The following CNGA3 variants were observed in gnomAD, a reference collection of about 807,000 sequenced individuals.
CNGA3 encodes cyclic nucleotide gated channel subunit alpha 3, also known as cyclic nucleotide-gated channel alpha-3.
Under a neutral mutation model 46.6 loss-of-function variants are expected in CNGA3, and 42 were observed. The ratio of observed to expected loss-of-function variants is 0.90; its 90% CI spans 0.70 to 1.17. CNGA3 has a LOEUF of 1.17. CNGA3 is among the 50% of genes most tolerant of loss of function. The probability of loss-of-function intolerance (pLI) is 0.00; values close to 1 mark genes in which losing one functional copy is unlikely to be tolerated. For missense variants in CNGA3, 893 were observed against 890.7 expected (o/e 1.00, Z -0.03); for synonymous variants, 394 against 369.4 (o/e 1.07, Z -0.76).
At chr2:98,383,499 G>C (rs1692583428) in intron 5 of CNGA3, 58 bp downstream of exon 5, 4 of 1,572,582 alleles carry the variant, frequency 2.5e-6, no homozygotes, top group Non-Finnish European at 3.5e-6. Context: ...CCACCCCATA[G>C]AAGCCCCAGC....
At chr2:98,377,606 C>A in intron 2 of CNGA3, 81 bp from the exon 3 acceptor site, 1 of 1,353,846 alleles carries the variant, frequency 7.4e-7, no homozygotes, top group Non-Finnish European at 1.0e-6. Flanking sequence ...AGCAGAACAT[C>A]TGACTGTCTC....
At chr2:98,375,280 C>T (rs995803860) in intron 2 of CNGA3, among the ~76,000 whole-genome samples, 3 of 152,230 alleles carry the variant, frequency 2.0e-5, no homozygotes, top group Non-Finnish European at 2.9e-5. Context: ...TACGCTAAAA[C>T]GCTGGGCCGA....
At chr2:98,348,758 T>C (rs1395892927) in intron 1 of CNGA3, among the ~76,000 whole-genome samples, 2 of 152,232 alleles carry the variant, frequency 1.3e-5, no homozygotes, top group Non-Finnish European at 2.9e-5. Context: ...AGGCTCAGTC[T>C]GGTGGGAGAA....
intron 2 of CNGA3, among the ~76,000 whole-genome samples, chr2:98,372,763 C>A (rs1427363686): frequency 6.6e-6 from 1 of 152,090 alleles, no homozygotes; most frequent in Admixed American, 6.5e-5. Flanking sequence ...ACTCCCACTC[C>A]CGGTCTTGGA....
chr2:98,359,640 C>A (rs1691977484), intron 1 of CNGA3, among the ~76,000 whole-genome samples: 3 of 152,186 alleles, frequency 2.0e-5, no homozygotes, highest in African/African-American at 7.2e-5. Flanking sequence ...TGGTTCCCTG[C>A]CCACAACCTG....
intron 2 of CNGA3, 39 bp downstream of exon 2, chr2:98,370,115 G>T (rs921930410): frequency 1.3e-6 from 2 of 1,497,876 alleles, no homozygotes; most frequent in Admixed American, 3.4e-5. Flanking sequence ...TTTATGCCTG[G>T]CTCTGGTCAT....
intron 7 of CNGA3, among the ~76,000 whole-genome samples, chr2:98,395,412 C>T (rs932159396): frequency 6.6e-6 from 1 of 152,144 alleles, no homozygotes; most frequent in African/African-American, 2.4e-5. Flanking sequence ...TCAGGTGATC[C>T]ACCCGCCTCG....
chr2:98,386,896 G>A (rs768576798), intron 5 of CNGA3, among the ~76,000 whole-genome samples: 9 of 152,156 alleles, frequency 5.9e-5, no homozygotes, highest in African/African-American at 7.2e-5. Flanking sequence ...AGATCCAAAC[G>A]AGCAGGAATC....
At chr2:98,358,654 A>C (rs1546351) in intron 1 of CNGA3, among the ~76,000 whole-genome samples, 1 of 152,150 alleles carries the variant, frequency 6.6e-6, no homozygotes, top group Admixed American at 6.5e-5. Flanking sequence ...AGAAGATATA[A>C]CAACCAATCA....
chr2:98,385,199 C>G (rs765830616), intron 5 of CNGA3, among the ~76,000 whole-genome samples: 2 of 152,184 alleles, frequency 1.3e-5, no homozygotes, highest in African/African-American at 2.4e-5. Flanking sequence ...ACAAGGCAAG[C>G]TGAGTCCGGC....
At chr2:98,368,565 C>G (rs576849686) in intron 1 of CNGA3, among the ~76,000 whole-genome samples, 1 of 152,332 alleles carries the variant, frequency 6.6e-6, no homozygotes, top group African/African-American at 2.4e-5. Context: ...TGTTCATGAC[C>G]TGATTTCTGG....
chr2:98,380,144 C>T, intron 3 of CNGA3, 31 bp from the exon 4 acceptor site: 3 of 1,612,906 alleles, frequency 1.9e-6, no homozygotes, highest in South Asian at 2.2e-5. Context: ...TTTTCCTCTC[C>T]CTCTGGCTCA....
chr2:98,362,970 G>A (rs1253258056), intron 1 of CNGA3, among the ~76,000 whole-genome samples: 1 of 152,080 alleles, frequency 6.6e-6, no homozygotes, highest in Non-Finnish European at 1.5e-5. Flanking sequence ...GTAGATGTGT[G>A]GTCTTATTTC....
chr2:98,353,101 A>T (rs1158977487), intron 1 of CNGA3, among the ~76,000 whole-genome samples: 1 of 152,208 alleles, frequency 6.6e-6, no homozygotes, highest in East Asian at 1.9e-4. Context: ...CTTACAATAG[A>T]TTAAGCAAGA....
chr2:98,371,418 A>G (rs1446624034), intron 2 of CNGA3, among the ~76,000 whole-genome samples: 1 of 152,052 alleles, frequency 6.6e-6, no homozygotes, highest in Non-Finnish European at 1.5e-5. Flanking sequence ...TCCTCAGCAA[A>G]CTCTGCTAAT....
intron 1 of CNGA3, among the ~76,000 whole-genome samples, chr2:98,368,033 T>C (rs6719354): frequency 0.022 from 3,335 of 152,340 alleles, 116 homozygotes; most frequent in African/African-American, 0.073. Context: ...TTTCTCTTTA[T>C]AGCTCCTATG....
Position 98,380,256 on chromosome 2 carries a change from T to C in CNGA3, c.297T>C (p.Pro99=). The C allele has an allele frequency of 6.2e-7, 1 of 1,614,198 alleles. No homozygotes were observed. Among genetic ancestry groups the C allele is most frequent in the Non-Finnish European group, 8.5e-7 (1 of 1,180,028 alleles). The part of the protein sequence containing the change: ...HHQDQGPDSF[P]DRFRGAELKE... ...AGGACCAGGGACCGGACTCTTTTCC[T>C]GATCGTTTCCGTGGAGCCGAGCTTA... The change falls in exon 4 of 8, where the codon CCT becomes CCC. Residue 99 remains proline, a synonymous_variant. Coordinates refer to ENST00000272602, the MANE Select transcript of CNGA3 (RefSeq NM_001298.3).
At chr2:98,383,951 A>G (rs115653534) in intron 5 of CNGA3, among the ~76,000 whole-genome samples, 2,097 of 152,216 alleles carry the variant, frequency 0.014, 19 homozygotes, top group Middle Eastern at 0.034. Flanking sequence ...CAGTGGCGCC[A>G]TCTTGACTCG....
chr2:98,350,216 C>A (rs1457932633), intron 1 of CNGA3, among the ~76,000 whole-genome samples: 1 of 152,130 alleles, frequency 6.6e-6, no homozygotes, highest in African/African-American at 2.4e-5. Flanking sequence ...TTGGTGTATA[C>A]CTTGGCAGTA....
Sources: gnomAD v4.1 joint callset for allele counts (sites outside exome capture counted in the v4.1 genomes callset) on GRCh38, gnomAD v4.1.1 for gene constraint, MANE v1.5 for transcripts, NCBI Gene and HGNC (gene_info 2026-07-23, HGNC 2026-07-21) for gene names.